ADA2: variants seen among roughly 807,000 people sequenced by gnomAD.
ADA2 encodes the protein adenosine deaminase 2.
ADA2 carries 29 observed loss-of-function variants against 44.2 expected under a neutral mutation model. The observed-to-expected ratio is 0.66, with a 90% CI of 0.49 to 0.89. ADA2 has a LOEUF of 0.89. Ranked by LOEUF, ADA2 falls within the 40% of genes least tolerant of loss-of-function variation. The probability of loss-of-function intolerance (pLI) is 0.00; values close to 1 mark genes in which losing one functional copy is unlikely to be tolerated. For synonymous variants in ADA2, 215 were observed against 234.9 expected (o/e 0.92, Z 0.77); for missense variants, 637 against 644.8 (o/e 0.99, Z 0.13).
At chr22:17,185,290 C>T (rs996738796) in intron 7 of ADA2, among the ~76,000 whole-genome samples, 8 of 151,136 alleles carry the variant, frequency 5.3e-5, no homozygotes, top group Admixed American at 3.3e-4. Context: ...GGCAGGCGCC[C>T]GAGTAGTCCC....
At chr22:17,205,780 A>G (rs2062347769) in intron 3 of ADA2, among the ~76,000 whole-genome samples, 2 of 152,172 alleles carry the variant, frequency 1.3e-5, no homozygotes, top group African/African-American at 4.8e-5. Context: ...AGAGTTCAAG[A>G]CCAGCCTGGG....
rs2062065746 is a variant in ADA2, at chr22:17,188,431, G to C, written c.989C>G (p.Thr330Ser). 1 of 1,613,312 alleles carries C rather than the reference G, an allele frequency of 6.2e-7. No homozygotes were observed. Among genetic ancestry groups the C allele is most frequent in the Non-Finnish European group, 8.5e-7 (1 of 1,179,328 alleles). ...CTTGTAGTCATGCAAGGAGTGGCCA[G>C]TGTCCTCATGCCCCACCTGCAGGAC... is the stretch of plus-strand genomic sequence containing the variant. Reference protein sequence around the residue: ...AGFDLVGHEDTGHSLHDYKEA... With the variant: ...AGFDLVGHEDSGHSLHDYKEA... Residue 330 changes from threonine (T) to serine (S), a missense_variant, in exon 7 of 10, where the codon ACT becomes AGT. Physicochemically the swap from Thr to Ser is moderately conservative, Grantham distance 58. Coordinates refer to ENST00000399837, the MANE Select transcript of ADA2 (RefSeq NM_001282225.2).
intron 3 of ADA2, among the ~76,000 whole-genome samples, chr22:17,205,000 T>C (rs1213312814): frequency 1.3e-5 from 2 of 151,660 alleles, no homozygotes; most frequent in Non-Finnish European, 2.9e-5. Context: ...CTCACTATGT[T>C]GCCCAGACTG....
upstream of ADA2, among the ~76,000 whole-genome samples, chr22:17,220,572 G>C (rs1280719075): frequency 6.6e-6 from 1 of 151,946 alleles, no homozygotes; most frequent in Non-Finnish European, 1.5e-5. Flanking sequence ...AGTAACTATT[G>C]GGATGCCTCA....
At chr22:17,214,047 A>AAAT (rs2062445879) in intron 1 of ADA2, 1 of 446,164 alleles carries the variant, frequency 2.2e-6, no homozygotes, top group Non-Finnish European at 4.1e-6. Context: ...CTCAAAAAAA[A>AAAT]AAAAAAAAAA....
At position 17,181,273 on chromosome 22, in the gene ADA2, C is replaced by G. The variant is rs7290147; in HGVS notation, c.*210G>C. The G allele has an allele frequency of 0.57, 315,186 of 552,120 alleles. 92,713 individuals are homozygous for G. Among genetic ancestry groups the G allele is most frequent in the African/African-American group, 0.73 (38,917 of 53,148 alleles). 34.2% of individuals were successfully genotyped at this position (552,120 alleles called of 1,614,324 possible). On this transcript the variant is annotated 3_prime_UTR_variant, in exon 10 of 10. Transcript: ENST00000399837. ...GGAAACTGGAAGAAATGGCCAGAGA[C>G]AGGAGAAAACCAAGAGGGTCAATGT...
At chr22:17,201,383 A>G (rs1475748988) in intron 4 of ADA2, among the ~76,000 whole-genome samples, 1 of 152,186 alleles carries the variant, frequency 6.6e-6, no homozygotes, top group Non-Finnish European at 1.5e-5. Context: ...TACAAACAGT[A>G]AACTTCGGAG....
intron 1 of ADA2, among the ~76,000 whole-genome samples, chr22:17,218,347 A>C (rs1212485018): frequency 6.6e-6 from 1 of 152,170 alleles, no homozygotes; most frequent in Non-Finnish European, 1.5e-5. Context: ...TTTAAGAAGG[A>C]ACTAGTATCA....
intron 4 of ADA2, chr22:17,199,516 T>C (rs1438858749): frequency 1.3e-6 from 2 of 1,524,042 alleles, no homozygotes; most frequent in East Asian, 4.9e-5. Flanking sequence ...AAGACAGTTG[T>C]CAGGATTTGC....
At chr22:17,201,202 CAA>C (rs5844297) in intron 4 of ADA2, among the ~76,000 whole-genome samples, 1 of 125,404 alleles carries the variant, frequency 8.0e-6, no homozygotes. Flanking sequence ...GAAATTCTGT[CAA>C]AAAAAAAAAA....
chr22:17,211,771 T>C (rs527253802), intron 1 of ADA2, among the ~76,000 whole-genome samples: 1 of 151,532 alleles, frequency 6.6e-6, no homozygotes, highest in African/African-American at 2.4e-5. Flanking sequence ...CTACTGAAAA[T>C]ACAAAAATTA....
intron 1 of ADA2, among the ~76,000 whole-genome samples, chr22:17,212,441 T>G (rs1468319498): frequency 6.6e-6 from 1 of 152,134 alleles, no homozygotes; most frequent in Non-Finnish European, 1.5e-5. Flanking sequence ...CCGGCTAATT[T>G]TTTTGTATTT....
intron 7 of ADA2, among the ~76,000 whole-genome samples, chr22:17,184,675 C>T (rs967997789): frequency 4.0e-5 from 6 of 151,856 alleles, no homozygotes; most frequent in South Asian, 2.1e-4. Flanking sequence ...CACCTGTAAT[C>T]GCAGCACTTT....
At chr22:17,195,319 A>G (rs867513098) in intron 4 of ADA2, among the ~76,000 whole-genome samples, 6 of 152,112 alleles carry the variant, frequency 3.9e-5, no homozygotes, top group African/African-American at 1.4e-4. Flanking sequence ...ACCTGAGGTC[A>G]GGAGTTGGAG....
intron 8 of ADA2, 41 bp from the exon 9 acceptor site, chr22:17,182,063 C>T: frequency 6.6e-7 from 1 of 1,524,522 alleles, no homozygotes; most frequent in Non-Finnish European, 9.0e-7. Context: ...AACTCTGATC[C>T]CTAAAAAGAG....
At chr22:17,200,659 A>G (rs1475238519) in intron 4 of ADA2, among the ~76,000 whole-genome samples, 4 of 152,056 alleles carry the variant, frequency 2.6e-5, no homozygotes, top group Non-Finnish European at 5.9e-5. Flanking sequence ...AGGTGGGTGG[A>G]TCACCTGAGG....
Position 17,183,796 on chromosome 22 carries a change from A to G in ADA2, c.1082-1035T>C, listed in dbSNP as rs375869042. 2.5e-3 allele frequency among the ~76,000 whole-genome samples: 381 copies of G among 151,814 alleles called. 3 individuals carry two copies. Among genetic ancestry groups the G allele is most frequent in the African/African-American group, 8.7e-3 (360 of 41,384 alleles). Reference sequence around the variant, plus strand: ...TTATGCTTATGATCTTTACAACAATATGTTACAGGTTCTCTTATTGACAAC... The same window carrying G: ...TTATGCTTATGATCTTTACAACAATGTGTTACAGGTTCTCTTATTGACAAC... On this transcript the variant is annotated intron_variant, in intron 7 of 9. Transcript: ENST00000399837.
intron 1 of ADA2, among the ~76,000 whole-genome samples, chr22:17,213,269 G>A (rs920234010): frequency 1.3e-5 from 2 of 152,158 alleles, no homozygotes; most frequent in Admixed American, 1.3e-4. Flanking sequence ...CCACTATGGA[G>A]AACAGTATGG....
chr22:17,191,941 C>A, intron 4 of ADA2, 131 bp from the exon 5 acceptor site: 1 of 898,510 alleles, frequency 1.1e-6, no homozygotes, highest in South Asian at 1.8e-5. Context: ...CCACCCCTTC[C>A]CAGCCACCCT....
Sources: allele counts gnomAD v4.1 joint callset (sites outside exome capture counted in the v4.1 genomes callset), GRCh38; gene constraint gnomAD v4.1.1; transcripts MANE v1.5; gene names NCBI Gene and HGNC (gene_info 2026-07-23, HGNC 2026-07-21).